The following ESR2 variants were observed in gnomAD, a reference collection of about 807,000 sequenced individuals.
The protein encoded by ESR2 is estrogen receptor 2.
ESR2 carries 36 observed loss-of-function variants against 49.6 expected under a neutral mutation model. The ratio of observed to expected loss-of-function variants is 0.73; its 90% CI spans 0.56 to 0.96. The LOEUF is 0.96. Among genes scored for constraint, ESR2 ranks in the 40% least tolerant of loss-of-function variants. The pLI is 0.00. For missense variants in ESR2, 714 were observed against 693.0 expected, an observed-to-expected ratio of 1.03 and a Z score of -0.34; for synonymous variants, 320 against 266.1, an observed-to-expected ratio of 1.20 and a Z score of -1.97.
chr14:64,253,382 G>A (rs1158779100), intron 6 of ESR2, among the ~76,000 whole-genome samples: 1 of 151,262 alleles, frequency 6.6e-6, no homozygotes, highest in Non-Finnish European at 1.5e-5. Flanking sequence ...GTAAAGAAGG[G>A]GTTTCATCAT....
intron 1 of ESR2, among the ~76,000 whole-genome samples, chr14:64,286,490 T>C (rs2076787293): frequency 2.0e-5 from 3 of 152,012 alleles, no homozygotes; most frequent in Non-Finnish European, 2.9e-5. Context: ...TTAGTAGAGA[T>C]GGGGTTTCAC....
intron 3 of ESR2, among the ~76,000 whole-genome samples, chr14:64,275,064 A>G (rs1487718515): frequency 1.3e-5 from 2 of 152,230 alleles, no homozygotes; most frequent in East Asian, 1.9e-4. Flanking sequence ...AAGAATGTGT[A>G]TGTTGCAGCC....
chr14:64,287,492 G>A (rs1306023679), intron 1 of ESR2, among the ~76,000 whole-genome samples: 2 of 152,172 alleles, frequency 1.3e-5, no homozygotes, highest in Admixed American at 6.5e-5. Context: ...TAAAAGGCTA[G>A]GTGCTTTTTG....
chr14:64,292,305 C>T (rs1229026470), intron 1 of ESR2, among the ~76,000 whole-genome samples: 1 of 152,060 alleles, frequency 6.6e-6, no homozygotes, highest in Non-Finnish European at 1.5e-5. Flanking sequence ...TAGTTTTGAT[C>T]AGTGATTTTC....
intron 3 of ESR2, among the ~76,000 whole-genome samples, chr14:64,273,921 G>C (rs1158081461): frequency 1.4e-5 from 2 of 145,044 alleles, no homozygotes; most frequent in African/African-American, 2.6e-5. Flanking sequence ...ATCAGTCCTG[G>C]CTTTTCTTTG....
At chr14:64,282,490 T>G in intron 2 of ESR2, 134 bp downstream of exon 2, 1 of 915,836 alleles carries the variant, frequency 1.1e-6, no homozygotes, top group Non-Finnish European at 1.6e-6. Context: ...CATCCTGTGT[T>G]TTGGGTGCTG....
At chr14:64,310,761 C>T (rs916381243) in intron 1 of ESR2, among the ~76,000 whole-genome samples, 5 of 152,094 alleles carry the variant, frequency 3.3e-5, no homozygotes, top group Non-Finnish European at 5.9e-5. Flanking sequence ...TGAGCCACCG[C>T]GCCAGAGAAC....
At chr14:64,255,283 T>C (rs1230988527) in intron 6 of ESR2, among the ~76,000 whole-genome samples, 3 of 152,082 alleles carry the variant, frequency 2.0e-5, no homozygotes, top group African/African-American at 7.2e-5. Context: ...ATTATATGTG[T>C]ATATTTATAC....
chr14:64,299,769 G>A (rs892789323), intron 1 of ESR2, among the ~76,000 whole-genome samples: 3 of 152,088 alleles, frequency 2.0e-5, no homozygotes, highest in Admixed American at 6.6e-5. Flanking sequence ...GAAAGGAATC[G>A]TTTTCTTCTC....
intron 1 of ESR2, among the ~76,000 whole-genome samples, chr14:64,284,684 C>T (rs1220639633): frequency 6.6e-6 from 1 of 152,128 alleles, no homozygotes; most frequent in Admixed American, 6.5e-5. Context: ...CCCAAAACCA[C>T]TCATTTCCTA....
At chr14:64,299,468 T>G (rs1404841335) in intron 1 of ESR2, among the ~76,000 whole-genome samples, 1 of 150,876 alleles carries the variant, frequency 6.6e-6, no homozygotes, top group Admixed American at 6.6e-5. Flanking sequence ...TGGCACAATC[T>G]TCCGCCTCAG....
chr14:64,238,494 C>T (rs2075653479), intron 7 of ESR2, among the ~76,000 whole-genome samples: 1 of 152,172 alleles, frequency 6.6e-6, no homozygotes, highest in African/African-American at 2.4e-5. Flanking sequence ...CTGCCTGGCT[C>T]TCCAGTCAGC....
intron 2 of ESR2, 79 bp from the exon 3 acceptor site, chr14:64,280,232 A>G (rs1037756471): frequency 5.1e-6 from 5 of 988,362 alleles, no homozygotes; most frequent in Non-Finnish European, 7.9e-6. Flanking sequence ...AAATAGCATG[A>G]ACATTGCCTA....
chr14:64,246,691 C>A (rs1379633470), intron 7 of ESR2, among the ~76,000 whole-genome samples: 1 of 131,402 alleles, frequency 7.6e-6, no homozygotes, highest in Non-Finnish European at 1.6e-5. Flanking sequence ...AAGATTCCAC[C>A]ACTGCACTCC....
At chr14:64,307,077 CTAAT>C (rs2077111459) in intron 1 of ESR2, among the ~76,000 whole-genome samples, 1 of 151,846 alleles carries the variant, frequency 6.6e-6, no homozygotes, top group African/African-American at 2.4e-5. Flanking sequence ...ATAATATTCT[CTAAT>C]TATTATTTTA....
chr14:64,236,766 C>T (rs1222514908), intron 7 of ESR2, among the ~76,000 whole-genome samples: 1 of 152,050 alleles, frequency 6.6e-6, no homozygotes, highest in East Asian at 1.9e-4. Context: ...GAAGCTTCCC[C>T]CAACCTCCCT....
intron 3 of ESR2, among the ~76,000 whole-genome samples, chr14:64,270,976 C>T (rs1004641863): frequency 8.5e-5 from 13 of 152,180 alleles, no homozygotes; most frequent in Admixed American, 8.5e-4. Flanking sequence ...TGAAGTACAA[C>T]GATGTTTTTC....
chr14:64,238,357 AG>A (rs146119274), intron 7 of ESR2, among the ~76,000 whole-genome samples: 8 of 152,098 alleles, frequency 5.3e-5, no homozygotes, highest in African/African-American at 1.9e-4. Context: ...ATGGTGGGGT[AG>A]GGGGGCAGTG....
chr14:64,338,395 G>C (rs553473793), upstream of ESR2: 1 of 155,110 alleles, frequency 6.4e-6, no homozygotes, highest in South Asian at 2.0e-4. Context: ...AGCAGAACGC[G>C]GAGGGGCCCG....
Sources: allele counts gnomAD v4.1 joint callset (sites outside exome capture counted in the v4.1 genomes callset), GRCh38; gene constraint gnomAD v4.1.1; transcripts MANE v1.5; gene names NCBI Gene and HGNC (gene_info 2026-07-23, HGNC 2026-07-21).